Variants in AKAP13 observed in about 807,000 individuals in gnomAD.
The protein encoded by AKAP13 is A-kinase anchoring protein 13.
In AKAP13, 80 loss-of-function variants were observed where a neutral mutation model predicts 264.5. The observed-to-expected ratio is 0.30, with a 90% CI of 0.25 to 0.36. AKAP13 has a LOEUF of 0.36. Ranked by LOEUF, AKAP13 falls within the 10% of genes least tolerant of loss-of-function variation. AKAP13 has a pLI of 1.00. For missense variants in AKAP13, 3,712 were observed against 3,435.2 expected, an observed-to-expected ratio of 1.08 and a Z score of -2.01; for synonymous variants, 1,380 against 1,250.2, an observed-to-expected ratio of 1.10 and a Z score of -2.19.
At chr15:85,428,199 T>C (rs969496221) in intron 1 of AKAP13, among the ~76,000 whole-genome samples, 5 of 152,216 alleles carry the variant, frequency 3.3e-5, no homozygotes, top group Admixed American at 3.3e-4. Flanking sequence ...CCATGGTACC[T>C]TTATTGACTG....
intron 1 of AKAP13, among the ~76,000 whole-genome samples, chr15:85,427,654 G>C (rs2072856042): frequency 6.6e-6 from 1 of 152,202 alleles, no homozygotes; most frequent in African/African-American, 2.4e-5. Flanking sequence ...GAATTTGAGG[G>C]CCAAAGAGGC....
chr15:85,536,182 T>C (rs1567111872), intron 4 of AKAP13: 1 of 152,152 alleles, frequency 6.6e-6, no homozygotes, highest in African/African-American at 2.4e-5. Flanking sequence ...GTACTGTCAG[T>C]GTACTGGTAA....
chr15:85,714,735 G>A (rs983382409), intron 19 of AKAP13, among the ~76,000 whole-genome samples: 1 of 152,174 alleles, frequency 6.6e-6, no homozygotes, highest in Non-Finnish European at 1.5e-5. Flanking sequence ...TTGGGAGGCC[G>A]AGGCGGGCAG....
At chr15:85,431,580 T>C (rs903039031) in intron 1 of AKAP13, among the ~76,000 whole-genome samples, 1 of 152,108 alleles carries the variant, frequency 6.6e-6, no homozygotes, top group African/African-American at 2.4e-5. Context: ...TATAAAAGCT[T>C]TGAGGTGAAG....
chr15:85,507,275 A>AGTGGTTG (rs1567094090), intron 2 of AKAP13, among the ~76,000 whole-genome samples: 1 of 152,052 alleles, frequency 6.6e-6, no homozygotes, highest in African/African-American at 2.4e-5. Context: ...GGCAAGCTAC[A>AGTGGTTG]GCCTGTGAAC....
At chr15:85,525,995 T>C (rs1277462090) in intron 3 of AKAP13, among the ~76,000 whole-genome samples, 1 of 152,168 alleles carries the variant, frequency 6.6e-6, no homozygotes, top group Non-Finnish European at 1.5e-5. Context: ...ATGTCTGTTA[T>C]TTATTTTTAG....
At chr15:85,566,545 G>A (rs2078610666) in intron 5 of AKAP13, among the ~76,000 whole-genome samples, 2 of 151,812 alleles carry the variant, frequency 1.3e-5, no homozygotes, top group Admixed American at 6.6e-5. Context: ...TCATTGAATG[G>A]TCTTTTAATA....
intron 8 of AKAP13, among the ~76,000 whole-genome samples, chr15:85,592,172 G>A (rs147197916): frequency 2.7e-5 from 4 of 148,684 alleles, no homozygotes; most frequent in Non-Finnish European, 5.9e-5. Flanking sequence ...GGGCATTGTT[G>A]GTCTTAGAAT....
intron 8 of AKAP13, among the ~76,000 whole-genome samples, chr15:85,634,863 G>A (rs1429409364): frequency 1.4e-5 from 2 of 145,922 alleles, no homozygotes; most frequent in African/African-American, 2.5e-5. Context: ...TTAACTTACC[G>A]TAATACTCTT....
chr15:85,727,182 C>G lies in AKAP13; in HGVS notation c.6939C>G (p.Val2313=). Residue 2313 remains valine, a synonymous_variant, in exon 28 of 37, where the codon GTC becomes GTG. Coordinates refer to ENST00000394518, the MANE Select transcript of AKAP13 (RefSeq NM_007200.5). The surrounding 1 kb of genome is among the most constrained non-coding windows in gnomAD (Gnocchi z 5.3). ...TGACAGATCCAGAGATGGTAGAAGT[C>G]CATGCCAGCTCCAAAGAGGAACGAA... ...MGMTDPEMVE[V]HASSKEERNS... 6.2e-7 allele frequency: 1 copy of G among 1,614,162 alleles called. No homozygotes were observed. The highest frequency in any genetic ancestry group is 8.5e-7 in the Non-Finnish European group (1 of 1,180,030).
chr15:85,459,211 C>G (rs546851855), intron 1 of AKAP13, among the ~76,000 whole-genome samples: 1 of 152,084 alleles, frequency 6.6e-6, no homozygotes, highest in Non-Finnish European at 1.5e-5. Context: ...TTCTTTCCTT[C>G]GTCTCACTCT....
chr15:85,440,058 AAG>A (rs2073565687), intron 1 of AKAP13, among the ~76,000 whole-genome samples: 1 of 152,134 alleles, frequency 6.6e-6, no homozygotes. Context: ...GTAAAGGAAA[AAG>A]AACACCTAAC....
chr15:85,500,817 A>G (rs1184719348), intron 2 of AKAP13, among the ~76,000 whole-genome samples: 3 of 152,166 alleles, frequency 2.0e-5, no homozygotes, highest in Non-Finnish European at 2.9e-5. Context: ...GGAAAGAGCT[A>G]TTGGCTCTGG....
intron 1 of AKAP13, among the ~76,000 whole-genome samples, chr15:85,465,180 C>A (rs1411474197): frequency 1.3e-5 from 2 of 150,870 alleles, no homozygotes; most frequent in African/African-American, 2.4e-5. Context: ...TCTCGATCTC[C>A]TGACCTTGTG....
chr15:85,433,949 A>T (rs1481302758), intron 1 of AKAP13, among the ~76,000 whole-genome samples: 25 of 151,846 alleles, frequency 1.6e-4, no homozygotes, highest in Admixed American at 1.2e-3. Context: ...TCAAAAAATA[A>T]AAAAATAAAA....
intron 6 of AKAP13, 60 bp from the exon 7 acceptor site, chr15:85,578,870 G>T: frequency 6.5e-7 from 1 of 1,532,130 alleles, no homozygotes; most frequent in East Asian, 2.3e-5. Context: ...TTGCTCAGAG[G>T]TGTCAGTGAC....
At chr15:85,504,925 C>G (rs922924855) in intron 2 of AKAP13, among the ~76,000 whole-genome samples, 7 of 151,948 alleles carry the variant, frequency 4.6e-5, no homozygotes, top group African/African-American at 1.7e-4. Context: ...CCCCCTCTCC[C>G]CCTCTCTCCC....
chr15:85,737,449 AT>A (rs1234727501), intron 33 of AKAP13, among the ~76,000 whole-genome samples: 1 of 152,118 alleles, frequency 6.6e-6, no homozygotes, highest in African/African-American at 2.4e-5. Context: ...GTTCTCAAGG[AT>A]GTTGACTGTG....
chr15:85,629,545 T>C (rs2081590121), intron 8 of AKAP13, among the ~76,000 whole-genome samples: 1 of 152,134 alleles, frequency 6.6e-6, no homozygotes, highest in South Asian at 2.1e-4. Context: ...TGCGATTTTG[T>C]TCTCTGGAAG....
Sources: gnomAD v4.1 joint callset for allele counts (sites outside exome capture counted in the v4.1 genomes callset) on GRCh38, gnomAD v4.1.1 for gene constraint, Gnocchi (gnomAD v3.1) non-coding constraint, MANE v1.5 for transcripts, NCBI Gene and HGNC (gene_info 2026-07-23, HGNC 2026-07-21) for gene names.